The following PDXDC1 variants were observed in gnomAD, a reference collection of about 807,000 sequenced individuals.
PDXDC1 encodes the protein pyridoxal-dependent decarboxylase domain-containing protein 1.
A neutral mutation model predicts 100.1 loss-of-function variants in PDXDC1; 42 were observed. That is an observed-to-expected ratio of 0.42 (90% confidence interval 0.33 to 0.54). The LOEUF is 0.54. Ranked by LOEUF, PDXDC1 falls within the 20% of genes least tolerant of loss-of-function variation. PDXDC1 has a pLI of 0.10. For synonymous variants in PDXDC1, 260 were observed against 371.7 expected (o/e 0.70, Z 3.46); for missense variants, 636 against 979.2 (o/e 0.65, Z 4.68).
At chr16:14,975,331 G>A in intron 1 of PDXDC1, 111 bp downstream of exon 1, 1 of 1,350,344 alleles carries the variant, frequency 7.4e-7, no homozygotes, top group South Asian at 2.1e-5. Context: ...AGGGGGACGC[G>A]GGCTGACAGG....
the PDXDC1 span, among the ~76,000 whole-genome samples, chr16:15,148,473 T>G: frequency 7.3e-6 from 1 of 136,826 alleles, no homozygotes; most frequent in Non-Finnish European, 1.5e-5. Context: ...AGCCTTGACC[T>G]CCTCGGCTCA....
chr16:15,122,711 C>G (rs1362956783), intron 16 of PDXDC1, among the ~76,000 whole-genome samples: 1 of 150,092 alleles, frequency 6.7e-6, no homozygotes, highest in African/African-American at 2.5e-5. Flanking sequence ...CCACCGCACC[C>G]GCATGTCCTG....
downstream of PDXDC1, among the ~76,000 whole-genome samples, chr16:15,142,243 C>T (rs979937361): frequency 4.6e-5 from 7 of 152,134 alleles, no homozygotes; most frequent in African/African-American, 1.4e-4. Flanking sequence ...AGAGCCCCCC[C>T]GCTCCCCACC....
chr16:15,149,560 C>G, the PDXDC1 span, among the ~76,000 whole-genome samples: 1 of 152,220 alleles, frequency 6.6e-6, no homozygotes. Context: ...GACGCCAATC[C>G]CAGGCAGGGG....
In PDXDC1 at chr16:15,086,273, GA is replaced by G. The variant is rs201619255; in HGVS notation, c.1400-52603del. The G allele has an allele frequency of 0.012, 18,109 of 1,562,478 alleles. 154 individuals are homozygous for G. Among genetic ancestry groups the G allele is most frequent in the Non-Finnish European group, 0.013 (14,533 of 1,148,086 alleles). On this transcript the variant is annotated intron_variant, in intron 16 of 16. Coordinates refer to the PDXDC1 transcript ENST00000535621. ...CAAGGCAATCTCTAGAGTGGGGGAA[GA>G]AAGATAAAAGCAGCATGTTATTAAT...
At chr16:15,100,131 G>A (rs1332903437) in intron 16 of PDXDC1, among the ~76,000 whole-genome samples, 1 of 152,154 alleles carries the variant, frequency 6.6e-6, no homozygotes, top group Non-Finnish European at 1.5e-5. Flanking sequence ...ATGAATCTTT[G>A]CTGTGAACTA....
At chr16:14,991,812 C>T (rs1374406863) in intron 1 of PDXDC1, among the ~76,000 whole-genome samples, 2 of 152,274 alleles carry the variant, frequency 1.3e-5, no homozygotes, top group African/African-American at 4.8e-5. Context: ...CATGAGCCAC[C>T]ACACCTGGCG....
chr16:15,143,119 C>T (rs1400551177), downstream of PDXDC1, among the ~76,000 whole-genome samples: 3 of 152,118 alleles, frequency 2.0e-5, no homozygotes, highest in Admixed American at 6.5e-5. Context: ...GCCCCAGCCC[C>T]GGGACACAAG....
chr16:15,089,713 T>C (rs1349884442), intron 16 of PDXDC1, among the ~76,000 whole-genome samples: 2 of 137,094 alleles, frequency 1.5e-5, no homozygotes. Flanking sequence ...GGCAGGAGAA[T>C]CGCTTGAACC....
the PDXDC1 span, among the ~76,000 whole-genome samples, chr16:15,148,555 TTTTA>T: frequency 6.6e-6 from 1 of 151,084 alleles, no homozygotes; most frequent in African/African-American, 2.4e-5. Context: ...GCCAATGTTC[TTTTA>T]TTTTTTAGAG....
chr16:15,026,092 T>G (rs1286117030), intron 13 of PDXDC1: 1 of 153,698 alleles, frequency 6.5e-6, no homozygotes, highest in African/African-American at 2.4e-5. Context: ...TGCCCCCTCT[T>G]TTTTTCTATG....
At chr16:14,990,929 C>T (rs1186721268) in intron 1 of PDXDC1, among the ~76,000 whole-genome samples, 12 of 152,354 alleles carry the variant, frequency 7.9e-5, no homozygotes, top group African/African-American at 1.4e-4. Context: ...TTAGTAGAGA[C>T]GGGATTTTGC....
At chr16:15,104,949 G>T (rs1366218180) in intron 16 of PDXDC1, among the ~76,000 whole-genome samples, 1 of 152,066 alleles carries the variant, frequency 6.6e-6, no homozygotes, top group East Asian at 1.9e-4. Flanking sequence ...GGGGGGTAAA[G>T]AAAAGTCACT....
chr16:15,106,632 G>GT (rs1338392605), intron 16 of PDXDC1, among the ~76,000 whole-genome samples: 2 of 148,874 alleles, frequency 1.3e-5, no homozygotes, highest in East Asian at 1.9e-4. Context: ...GCAGGCACCT[G>GT]TAAGCCCAGC....
intron 16 of PDXDC1, chr16:15,125,972 T>A (rs1319852437): frequency 1.7e-6 from 1 of 601,912 alleles, no homozygotes; most frequent in East Asian, 2.8e-5. Flanking sequence ...TGGCAGCCCC[T>A]CGCGACGTGT....
chr16:15,047,947 T>C (rs1348955931), intron 16 of PDXDC1: 3 of 1,607,762 alleles, frequency 1.9e-6, no homozygotes, highest in African/African-American at 1.3e-5. Context: ...TAAAATAAAA[T>C]ATCCAATAGC....
chr16:15,020,104 T>G (rs930931395), intron 12 of PDXDC1, among the ~76,000 whole-genome samples: 2 of 108,738 alleles, frequency 1.8e-5, no homozygotes, highest in African/African-American at 7.3e-5. Context: ...AGAGCGAGGC[T>G]CCGTCTCAAA....
At chr16:15,011,513 A>G (rs567341165) in intron 8 of PDXDC1, among the ~76,000 whole-genome samples, 9 of 152,414 alleles carry the variant, frequency 5.9e-5, no homozygotes, top group African/African-American at 1.9e-4. Flanking sequence ...GATACAAAAT[A>G]TGTGAACCAT....
intron 11 of PDXDC1, among the ~76,000 whole-genome samples, chr16:15,017,822 C>G (rs62039472): frequency 0.25 from 36,394 of 144,484 alleles, 2,340 homozygotes; most frequent in East Asian, 0.44. Context: ...TATGGAGTCT[C>G]GCTCTGTCAC....
Sources: gnomAD v4.1 joint callset for allele counts (sites outside exome capture counted in the v4.1 genomes callset) on GRCh38, gnomAD v4.1.1 for gene constraint, MANE v1.5 for transcripts, NCBI Gene and HGNC (gene_info 2026-07-23, HGNC 2026-07-21) for gene names.